Variants in CADPS2 observed in about 807,000 individuals in gnomAD.
CADPS2 encodes calcium-dependent secretion activator 2.
CADPS2 carries 93 observed loss-of-function variants against 172.5 expected under a neutral mutation model. The observed-to-expected ratio is 0.54, with a 90% CI of 0.46 to 0.64. CADPS2 has a LOEUF of 0.64. Ranked by LOEUF, CADPS2 falls within the 30% of genes least tolerant of loss-of-function variation. The pLI, the probability that CADPS2 is intolerant of heterozygous loss-of-function variation, is 0.00. For synonymous variants in CADPS2, 546 were observed against 555.2 expected, an observed-to-expected ratio of 0.98 and a Z score of 0.23; for missense variants, 1,420 against 1,565.9, an observed-to-expected ratio of 0.91 and a Z score of 1.57.
At chr7:122,367,548 T>TGG (rs2041103601) in intron 25 of CADPS2, among the ~76,000 whole-genome samples, 1 of 140,620 alleles carries the variant, frequency 7.1e-6, no homozygotes. Flanking sequence ...AGTTTTTTTT[T>TGG]TTTTTTTTTT....
At position 122,490,226 on chromosome 7, in the gene CADPS2, G is replaced by A. The variant is rs1406117602; in HGVS notation, c.1707C>T (p.Ile569=). The A allele has an allele frequency of 6.2e-7, 1 of 1,613,270 alleles. No individual in the cohort carries two copies. Among genetic ancestry groups the A allele is most frequent in the South Asian group, 1.1e-5 (1 of 91,072 alleles). ...TGTCCTGTTCATCATCACTGGCAAA[G>A]ATTACAGTATCTCCTTCTTTAACAG... ...FNAVKEGDTV[I]FASDDEQDRI... Residue 569 remains isoleucine (I), a synonymous_variant, in exon 11 of 30, where the codon ATC becomes ATT. Coordinates refer to ENST00000449022, the MANE Select transcript of CADPS2 (RefSeq NM_017954.11).
intron 14 of CADPS2, among the ~76,000 whole-genome samples, chr7:122,465,050 T>C (rs1359714063): frequency 3.3e-5 from 5 of 151,808 alleles, no homozygotes; most frequent in Non-Finnish European, 7.4e-5. Context: ...AAAGAAACAA[T>C]AGAGTTCAAC....
rs147813067 is a variant in CADPS2 at position 122,774,883 on chromosome 7, A to C, written c.340-37815T>G. ...AATAAGATGGTATGTGTCTGTGTGCATATCTATATCCACAAATAATTAATA... is the reference window on the plus strand; with the variant it reads ...AATAAGATGGTATGTGTCTGTGTGCCTATCTATATCCACAAATAATTAATA... On this transcript the variant is annotated intron_variant, in intron 1 of 29. Coordinates refer to ENST00000449022, the MANE Select transcript of CADPS2 (RefSeq NM_017954.11). Among the ~76,000 whole-genome samples the C allele has an allele frequency of 4.1e-4, 63 of 152,282 alleles. 2 individuals carry two copies. Among genetic ancestry groups the C allele is most frequent in the African/African-American group, 1.5e-3 (62 of 41,570 alleles).
In CADPS2 at chr7:122,378,572, G is replaced by T. The variant is rs539836792; in HGVS notation, c.3387+796C>A. ...TTTGTCTGTTTATTAAATTGGGGGC[G>T]GTTTTACCTTTGCTTCTTGTCATCC... On this transcript the variant is annotated intron_variant, in intron 25 of 29. Transcript: ENST00000449022. Among the ~76,000 whole-genome samples the T allele has an allele frequency of 1.8e-3, 274 of 152,056 alleles. 1 individual carries two copies. Among genetic ancestry groups the T allele is most frequent in the African/African-American group, 6.2e-3 (257 of 41,484 alleles).
At chr7:122,470,489 TTTTTTA>T (rs901842820) in intron 14 of CADPS2, among the ~76,000 whole-genome samples, 5 of 151,920 alleles carry the variant, frequency 3.3e-5, no homozygotes, top group Admixed American at 6.6e-5. Flanking sequence ...TTTTTATTTA[TTTTTTA>T]TTTTTATTTT....
intron 3 of CADPS2, among the ~76,000 whole-genome samples, chr7:122,641,686 C>G (rs1336858044): frequency 6.6e-6 from 1 of 152,048 alleles, no homozygotes. Flanking sequence ...CAGAGATTTT[C>G]TAAATTCTTT....
chr7:122,494,883 T>A (rs956734129), intron 9 of CADPS2, among the ~76,000 whole-genome samples: 1 of 148,450 alleles, frequency 6.7e-6, no homozygotes, highest in Non-Finnish European at 1.5e-5. Flanking sequence ...CCATAAGGGT[T>A]TTTTTTTTTT....
intron 25 of CADPS2, among the ~76,000 whole-genome samples, chr7:122,366,561 C>T (rs530674114): frequency 6.0e-5 from 9 of 149,358 alleles, no homozygotes; most frequent in East Asian, 2.0e-4. Flanking sequence ...GTCGAGATTG[C>T]GCCACTGCAC....
chr7:122,326,205 C>T (rs2033828706), intron 28 of CADPS2, among the ~76,000 whole-genome samples: 2 of 151,826 alleles, frequency 1.3e-5, no homozygotes, highest in East Asian at 1.9e-4. Context: ...GAAACATTAT[C>T]AAGATTGAAT....
In CADPS2 at chr7:122,677,591, T is replaced by C. The variant is rs188023286; in HGVS notation, c.454-14022A>G. 2.1e-3 allele frequency among the ~76,000 whole-genome samples: 314 copies of C among 152,334 alleles called. 3 individuals are homozygous for C. The highest frequency in any genetic ancestry group is 3.7e-3 in the Non-Finnish European group (249 of 68,030). On this transcript the variant is annotated intron_variant, in intron 2 of 29. Coordinates refer to ENST00000449022, the MANE Select transcript of CADPS2 (RefSeq NM_017954.11). ...AAATTTATTTTAGGGACTTCATGTATATTAACCCTCACAACTGCATAAAGA... is the reference window on the plus strand; with the variant it reads ...AAATTTATTTTAGGGACTTCATGTACATTAACCCTCACAACTGCATAAAGA...
At chr7:122,753,786 C>T (rs1029953601) in intron 1 of CADPS2, among the ~76,000 whole-genome samples, 2 of 152,130 alleles carry the variant, frequency 1.3e-5, no homozygotes, top group Admixed American at 1.3e-4. Flanking sequence ...CGCTTGCATG[C>T]TCTTGGGGAC....
At chr7:122,608,498 T>C (rs1046918939) in intron 6 of CADPS2, among the ~76,000 whole-genome samples, 3 of 152,170 alleles carry the variant, frequency 2.0e-5, no homozygotes, top group Admixed American at 6.5e-5. Context: ...TTGACAGATA[T>C]TACAATTCTG....
At chr7:122,431,789 G>C (rs2049950464) in intron 17 of CADPS2, among the ~76,000 whole-genome samples, 1 of 152,052 alleles carries the variant, frequency 6.6e-6, no homozygotes, top group Admixed American at 6.6e-5. Flanking sequence ...AGGGGTTTGA[G>C]ACCAGCCTGG....
At chr7:122,587,203 A>G (rs577571856) in intron 6 of CADPS2, among the ~76,000 whole-genome samples, 2 of 151,984 alleles carry the variant, frequency 1.3e-5, no homozygotes. Flanking sequence ...GCGCCTATCA[A>G]CACATCACCT....
intron 1 of CADPS2, among the ~76,000 whole-genome samples, chr7:122,776,860 T>C (rs1482458478): frequency 6.6e-6 from 1 of 152,068 alleles, no homozygotes; most frequent in Non-Finnish European, 1.5e-5. Context: ...GCAACAATAA[T>C]AACAAGAAGG....
chr7:122,461,444 A>T (rs1160638030), intron 14 of CADPS2, among the ~76,000 whole-genome samples: 1 of 152,182 alleles, frequency 6.6e-6, no homozygotes, highest in African/African-American at 2.4e-5. Context: ...AATCACAATA[A>T]ATTAAAAGAA....
chr7:122,582,361 A>G (rs1343579679), intron 6 of CADPS2, among the ~76,000 whole-genome samples: 7 of 152,214 alleles, frequency 4.6e-5, no homozygotes, highest in Non-Finnish European at 7.4e-5. Flanking sequence ...CACAGCATTT[A>G]TAATAAATGT....
intron 2 of CADPS2, among the ~76,000 whole-genome samples, chr7:122,725,409 A>T (rs2090978374): frequency 6.6e-6 from 1 of 151,754 alleles, no homozygotes; most frequent in Non-Finnish European, 1.5e-5. Flanking sequence ...ATGGATGGAT[A>T]GATTGATTGA....
intron 2 of CADPS2, among the ~76,000 whole-genome samples, chr7:122,691,829 C>A (rs1321325444): frequency 6.6e-6 from 1 of 152,184 alleles, no homozygotes; most frequent in African/African-American, 2.4e-5. Context: ...AAAACATCCA[C>A]CCCCAGAATG....
Sources: gnomAD v4.1 joint callset for allele counts (sites outside exome capture counted in the v4.1 genomes callset) on GRCh38, gnomAD v4.1.1 for gene constraint, MANE v1.5 for transcripts, NCBI Gene and HGNC (gene_info 2026-07-23, HGNC 2026-07-21) for gene names.